EIF4G3: variants seen among roughly 807,000 people sequenced by gnomAD.
The protein encoded by EIF4G3 is eukaryotic translation initiation factor 4 gamma 3.
In EIF4G3, 34 loss-of-function variants were observed where a neutral mutation model predicts 186.4. That is an observed-to-expected ratio of 0.18 (90% CI 0.14 to 0.24). The LOEUF (loss-of-function observed/expected upper bound fraction) is 0.24, where lower values mean the gene tolerates loss of function less well. EIF4G3 is among the 10% of genes least tolerant of loss of function. The pLI, the probability that EIF4G3 is intolerant of heterozygous loss-of-function variation, is 1.00. For missense variants in EIF4G3, 1,536 were observed against 1,948.5 expected, an observed-to-expected ratio of 0.79 and a Z score of 3.99; for synonymous variants, 673 against 679.5, an observed-to-expected ratio of 0.99 and a Z score of 0.15.
At chr1:20,816,374 G>A (rs1250634170) in intron 34 of EIF4G3, among the ~76,000 whole-genome samples, 10 of 82,468 alleles carry the variant, frequency 1.2e-4, no homozygotes, top group African/African-American at 2.6e-4. Context: ...AGGTGGGGGG[G>A]TCAGCCCCCC....
In EIF4G3 at chr1:20,849,585, A is replaced by G; in HGVS notation, c.3773-55T>C. The G allele has an allele frequency of 3.8e-6, 3 of 785,030 alleles. No individual in the cohort carries two copies. The South Asian group carries it at 6.3e-5, about 17-fold the overall frequency. The allele number at this position is 785,030 out of a possible 1,614,324, so 48.6% of individuals were successfully genotyped here. A position where few individuals can be genotyped will look rare whatever the true frequency, so the allele number is the denominator to read the frequency against. On this transcript the variant is annotated intron_variant, in intron 28 of 36. Transcript: ENST00000602326. ...AAATAATAAAAATTACTATTAAAATAGTGAGATTATGGTTGACAATATTAT... is the reference window on the plus strand; with the variant it reads ...AAATAATAAAAATTACTATTAAAATGGTGAGATTATGGTTGACAATATTAT...
At chr1:21,118,471 T>C (rs1209255844) in intron 2 of EIF4G3, among the ~76,000 whole-genome samples, 4 of 152,166 alleles carry the variant, frequency 2.6e-5, no homozygotes, top group Non-Finnish European at 5.9e-5. Context: ...AAAAGGCTCA[T>C]TCTCTAGTAT....
chr1:20,976,042 C>T (rs2154566143), intron 10 of EIF4G3, among the ~76,000 whole-genome samples: 1 of 151,862 alleles, frequency 6.6e-6, no homozygotes, highest in East Asian at 1.9e-4. Flanking sequence ...ATCAGTGGTT[C>T]CCAAACCTCA....
Position 21,061,676 on chromosome 1 carries a change from A to G in EIF4G3, c.-195-10682T>C, listed in dbSNP as rs558463352. Among the ~76,000 whole-genome samples the G allele has an allele frequency of 2.8e-4, 42 of 151,790 alleles. No homozygotes were observed. The South Asian group carries it at 8.7e-3, about 31-fold the overall frequency. ...TTCTGGATCAATTTTGTCAATGTCA[A>G]TTGTTACATACTCAAGGTTGTGCTC... On this transcript the variant is annotated intron_variant, in intron 3 of 36. Coordinates refer to ENST00000602326, the MANE Select transcript of EIF4G3 (RefSeq NM_001391906.1).
At chr1:21,168,056 A>C (rs925855446) in intron 2 of EIF4G3, 6 of 470,646 alleles carry the variant, frequency 1.3e-5, no homozygotes, top group Non-Finnish European at 2.6e-5. Flanking sequence ...AAGCATTCCA[A>C]ATAAACAAAA....
At chr1:21,016,397 T>C (rs542350785) in intron 4 of EIF4G3, among the ~76,000 whole-genome samples, 1 of 152,218 alleles carries the variant, frequency 6.6e-6, no homozygotes, top group Admixed American at 6.5e-5. Flanking sequence ...TTAAAAAAGA[T>C]ACTTGTGGCC....
At chr1:20,923,839 C>T (rs2094671663) in intron 14 of EIF4G3, among the ~76,000 whole-genome samples, 1 of 148,882 alleles carries the variant, frequency 6.7e-6, no homozygotes, top group Non-Finnish European at 1.5e-5. Context: ...ATATATTTAT[C>T]TGTCTCTCTA....
chr1:21,065,471 G>C (rs2095193179), intron 3 of EIF4G3, among the ~76,000 whole-genome samples: 1 of 151,194 alleles, frequency 6.6e-6, no homozygotes, highest in Non-Finnish European at 1.5e-5. Flanking sequence ...TGGGAGAGAA[G>C]GATTAAGCCC....
intron 4 of EIF4G3, among the ~76,000 whole-genome samples, chr1:21,039,542 C>T (rs959767097): frequency 1.3e-5 from 2 of 152,118 alleles, no homozygotes; most frequent in African/African-American, 4.8e-5. Flanking sequence ...ACATGCCTGT[C>T]GTCCCAGCTA....
chr1:20,961,786 A>G (rs941101490), intron 12 of EIF4G3, among the ~76,000 whole-genome samples: 1 of 152,230 alleles, frequency 6.6e-6, no homozygotes, highest in Admixed American at 6.5e-5. Context: ...GGCTTTACAT[A>G]TTATTGAAAA....
chr1:21,089,123 C>A lies in EIF4G3; in HGVS notation c.-196+15G>T. On this transcript the variant is annotated intron_variant, in intron 3 of 36. Transcript: ENST00000602326. ...CAAAAGCACACACACAATTTGACAACCTTCAGACACTCACCGTGCTGTAGA... is the reference window on the plus strand; with the variant it reads ...CAAAAGCACACACACAATTTGACAAACTTCAGACACTCACCGTGCTGTAGA... 1.4e-6 allele frequency: 1 copy of A among 715,920 alleles called. No individual in the cohort carries two copies. The highest frequency in any genetic ancestry group is 2.6e-6 in the Non-Finnish European group (1 of 384,538). 44.3% of individuals were successfully genotyped at this position (715,920 alleles called of 1,614,324 possible).
At chr1:21,046,803 A>T (rs2093920002) in intron 4 of EIF4G3, among the ~76,000 whole-genome samples, 2 of 152,312 alleles carry the variant, frequency 1.3e-5, no homozygotes, top group South Asian at 4.1e-4. Context: ...GACATTTCAA[A>T]CTCTTGGAGA....
rs1398647861 is a variant in EIF4G3 at position 20,807,290 on chromosome 1, C to A, written c.*29G>T. The A allele has an allele frequency of 6.5e-7, 1 of 1,545,832 alleles. No individual in the cohort carries two copies. The highest frequency in any genetic ancestry group is 8.8e-7 in the Non-Finnish European group (1 of 1,139,768). ...TTTTAAAAAAATACTTAAATTGTTT[C>A]TTTTGTTTCATTTTGTGTATTTGAA... On this transcript the variant is annotated 3_prime_UTR_variant, in exon 37 of 37. Coordinates refer to ENST00000602326, the MANE Select transcript of EIF4G3 (RefSeq NM_001391906.1).
At chr1:21,047,759 T>G (rs2093977422) in intron 4 of EIF4G3, among the ~76,000 whole-genome samples, 1 of 152,184 alleles carries the variant, frequency 6.6e-6, no homozygotes, top group Non-Finnish European at 1.5e-5. Flanking sequence ...AGGGAAGCTT[T>G]GCATCTGCCC....
chr1:20,847,628 G>A (rs944612490), intron 29 of EIF4G3, among the ~76,000 whole-genome samples: 20 of 151,952 alleles, frequency 1.3e-4, no homozygotes, highest in Middle Eastern at 6.8e-3. Flanking sequence ...TTTGCAATTC[G>A]TTCACATTTC....
chr1:20,858,164 AC>A (rs1350881078), intron 24 of EIF4G3, among the ~76,000 whole-genome samples: 2 of 152,186 alleles, frequency 1.3e-5, no homozygotes, highest in African/African-American at 4.8e-5. Context: ...CTAGTAAAGT[AC>A]AAAATTCGTC....
At chr1:21,074,606 T>C (rs749773949) in intron 3 of EIF4G3, among the ~76,000 whole-genome samples, 25 of 152,142 alleles carry the variant, frequency 1.6e-4, no homozygotes, top group Non-Finnish European at 3.4e-4. Flanking sequence ...GAAAATTTCA[T>C]TACTTTTCCA....
At chr1:20,829,835 C>T (rs2064641504) in intron 30 of EIF4G3, among the ~76,000 whole-genome samples, 1 of 152,134 alleles carries the variant, frequency 6.6e-6, no homozygotes, top group Non-Finnish European at 1.5e-5. Context: ...TGTTCTATCT[C>T]TACAGAAAAG....
chr1:21,113,997 T>C (rs1023276309), intron 2 of EIF4G3, among the ~76,000 whole-genome samples: 4 of 152,196 alleles, frequency 2.6e-5, no homozygotes, highest in Admixed American at 6.5e-5. Context: ...GCCAGAGTGA[T>C]ACAGTGAGGC....
Sources: allele counts gnomAD v4.1 joint callset (sites outside exome capture counted in the v4.1 genomes callset), GRCh38; gene constraint gnomAD v4.1.1; transcripts MANE v1.5; gene names NCBI Gene and HGNC (gene_info 2026-07-23, HGNC 2026-07-21).